Variants in TIFA observed in about 807,000 individuals in gnomAD.
TIFA encodes the protein TRAF interacting protein with forkhead associated domain, also known as TRAF-interacting protein with FHA domain-containing protein A.
For missense variants in TIFA, 186 were observed against 215.2 expected (o/e 0.86, Z 0.85); for synonymous variants, 75 against 79.2 (o/e 0.95, Z 0.28).
rs1311424508 is a variant in TIFA at position 112,276,235 on chromosome 4, C to A, written c.*1627G>T. The stretch of plus-strand genomic sequence containing the variant: ...CTTCCAGATGTCCAATGCACACTTT[C>A]CAGCTTCAAGAGACTGTCCACATTC... On this transcript the variant is annotated 3_prime_UTR_variant, in exon 2 of 2. Transcript: ENST00000361717. 6.5e-6 allele frequency: 1 copy of A among 153,226 alleles called. No individual in the cohort carries two copies. Among genetic ancestry groups the A allele is most frequent in the Middle Eastern group, 3.4e-3 (1 of 294 alleles). 9.5% of individuals were successfully genotyped at this position (153,226 alleles called of 1,614,324 possible).
chr4:112,276,461 A>G lies in TIFA; in HGVS notation c.*1401T>C, dbSNP rs1371992549. 1 of 152,828 alleles carries G rather than the reference A, an allele frequency of 6.5e-6. No individual in the cohort carries two copies. Among genetic ancestry groups the G allele is most frequent in the Non-Finnish European group, 1.5e-5 (1 of 68,086 alleles). 9.5% of individuals were successfully genotyped at this position (152,828 alleles called of 1,614,324 possible). ...CTTTGCCACATAACAACACAGTTAC[A>G]AGTTCTGGAGACTAGCACATGGACA... On this transcript the variant is annotated 3_prime_UTR_variant, in exon 2 of 2. Coordinates refer to ENST00000361717, the MANE Select transcript of TIFA (RefSeq NM_052864.3).
chr4:112,277,679 CAA>C lies in TIFA; in HGVS notation c.*181_*182del. On this transcript the variant is annotated 3_prime_UTR_variant, in exon 2 of 2. Coordinates refer to ENST00000361717, the MANE Select transcript of TIFA (RefSeq NM_052864.3). ...AATAATTTTGTGTAGATCCAGAATA[CAA>C]CAGGTGACTAAGTTAATGACTAACA... The C allele has an allele frequency of 2.7e-6, 1 of 367,574 alleles. No homozygotes were observed. The highest frequency in any genetic ancestry group is 4.5e-6 in the Non-Finnish European group (1 of 223,416). 22.8% of individuals were successfully genotyped at this position (367,574 alleles called of 1,614,324 possible).
chr4:112,278,371 G>C lies in TIFA; in HGVS notation c.46C>G (p.Leu16Val), dbSNP rs1201502442. ...DADTEETVTC[L>V]QMTVYHPGQL... ...CCAGGATGGTAAACCGTCATCTGGA[G>C]ACAAGTTACTGTCTCTTCTGTGTCA... Residue 16 changes from leucine (L) to valine (V), a missense_variant, in exon 2 of 2, where the codon CTC becomes GTC. Physicochemically the swap from Leu to Val is conservative, Grantham distance 32. Transcript: ENST00000361717. 6.2e-7 allele frequency: 1 copy of C among 1,600,112 alleles called. No individual in the cohort carries two copies. Among genetic ancestry groups the C allele is most frequent in the Admixed American group, 1.7e-5 (1 of 58,028 alleles).
chr4:112,282,291 C>G (rs1727242419), intron 1 of TIFA, among the ~76,000 whole-genome samples: 1 of 152,168 alleles, frequency 6.6e-6, no homozygotes. Context: ...TACCCGGTCT[C>G]AGGTATGTCT....
At chr4:112,283,380 G>T (rs12510546) in intron 1 of TIFA, among the ~76,000 whole-genome samples, 43,766 of 151,974 alleles carry the variant, frequency 0.29, 6,533 homozygotes, top group African/African-American at 0.37. Flanking sequence ...GTAAGCCTGG[G>T]TGTATAAATG....
At position 112,277,419 on chromosome 4, in the gene TIFA, C is replaced by G. The variant is rs545001555; in HGVS notation, c.*443G>C. 2 of 157,756 alleles carry G rather than the reference C, an allele frequency of 1.3e-5. No individual in the cohort carries two copies. Among genetic ancestry groups the G allele is most frequent in the African/African-American group, 4.8e-5 (2 of 41,572 alleles). 9.8% of individuals were successfully genotyped at this position (157,756 alleles called of 1,614,324 possible). On this transcript the variant is annotated 3_prime_UTR_variant, in exon 2 of 2. Transcript: ENST00000361717. ...AGAACCTATTCCAGTACTGCAAGTA[C>G]TGACAGGCTGCAAACACCAGTAACA...
intron 1 of TIFA, among the ~76,000 whole-genome samples, chr4:112,279,740 C>T (rs1727189244): frequency 6.6e-6 from 1 of 151,602 alleles, no homozygotes; most frequent in South Asian, 2.1e-4. Flanking sequence ...AATCTCAGCT[C>T]ACTGCAAACT....
intron 1 of TIFA, among the ~76,000 whole-genome samples, chr4:112,283,235 T>C (rs1191598032): frequency 6.6e-6 from 1 of 152,134 alleles, no homozygotes; most frequent in Non-Finnish European, 1.5e-5. Flanking sequence ...GACATAAATG[T>C]GTGTGGGCTA....
At position 112,276,129 on chromosome 4, in the gene TIFA, G is replaced by T. The variant is rs1328115192; in HGVS notation, c.*1733C>A. On this transcript the variant is annotated 3_prime_UTR_variant, in exon 2 of 2. Transcript: ENST00000361717. ...ATCATAAAGTTTTGTAGGTTAACAA[G>T]TCAAACATATTCTCACTGGACCAAA... 1 of 152,338 alleles carries T rather than the reference G, an allele frequency of 6.6e-6. No individual in the cohort carries two copies. The highest frequency in any genetic ancestry group is 1.5e-5 in the Non-Finnish European group (1 of 68,028). The allele number at this position is 152,338 out of a possible 1,614,324, so 9.4% of individuals were successfully genotyped here.
chr4:112,279,478 G>T (rs1035450915), intron 1 of TIFA, among the ~76,000 whole-genome samples: 2 of 152,086 alleles, frequency 1.3e-5, no homozygotes, highest in Admixed American at 1.3e-4. Flanking sequence ...TGAACTCTTT[G>T]TCTTTCTCTC....
intron 1 of TIFA, chr4:112,281,640 T>C (rs140004364): frequency 2.0e-5 from 3 of 152,200 alleles, no homozygotes; most frequent in Non-Finnish European, 4.4e-5. Flanking sequence ...ATCCACTTCA[T>C]TAACAACCAT....
At chr4:112,283,872 C>T (rs1013300602) in intron 1 of TIFA, among the ~76,000 whole-genome samples, 3 of 152,124 alleles carry the variant, frequency 2.0e-5, no homozygotes, top group African/African-American at 7.2e-5. Flanking sequence ...AAATCACCAA[C>T]CTCTGATTTT....
intron 1 of TIFA, among the ~76,000 whole-genome samples, chr4:112,282,008 T>C (rs970878991): frequency 2.6e-5 from 4 of 152,232 alleles, no homozygotes; most frequent in Admixed American, 6.5e-5. Flanking sequence ...TCTTGAATTA[T>C]AGCTCCCACG....
intron 1 of TIFA, among the ~76,000 whole-genome samples, chr4:112,279,800 G>A (rs1034180036): frequency 4.0e-5 from 6 of 151,802 alleles, no homozygotes; most frequent in Admixed American, 6.6e-5. Context: ...CTGAGTAGCC[G>A]GGATTACAGA....
chr4:112,279,951 G>T (rs552273586), intron 1 of TIFA, among the ~76,000 whole-genome samples: 32 of 152,188 alleles, frequency 2.1e-4, no homozygotes, highest in Non-Finnish European at 2.1e-4. Flanking sequence ...TTACAGGCGT[G>T]AGCCACTATG....
rs1423976055 is a variant in TIFA at position 112,275,223 on chromosome 4, G to A, written c.*2639C>T. ...GTGAAGGGGTGGGCACCTGACCCAAGCTGACCCGTCCCTGGAACTGAAATC... is the reference window on the plus strand; with the variant it reads ...GTGAAGGGGTGGGCACCTGACCCAAACTGACCCGTCCCTGGAACTGAAATC... On this transcript the variant is annotated 3_prime_UTR_variant, in exon 2 of 2. Transcript: ENST00000361717. 4 of 152,142 alleles carry A rather than the reference G, an allele frequency of 2.6e-5. No individual in the cohort carries two copies. Among genetic ancestry groups the A allele is most frequent in the African/African-American group, 7.2e-5 (3 of 41,406 alleles). 9.4% of individuals were successfully genotyped at this position (152,142 alleles called of 1,614,324 possible). A position where few individuals can be genotyped will look rare whatever the true frequency, so the allele number is the denominator to read the frequency against.
rs544417614 is a variant in TIFA at position 112,277,361 on chromosome 4, G to A, written c.*501C>T. ...GTATTTCTCAAATAAGTCCTCCCAT[G>A]CTAAAACCACAGTGACGCGCAGACA... is the stretch of plus-strand genomic sequence containing the variant. On this transcript the variant is annotated 3_prime_UTR_variant, in exon 2 of 2. Coordinates refer to ENST00000361717, the MANE Select transcript of TIFA (RefSeq NM_052864.3). 6 of 152,638 alleles carry A rather than the reference G, an allele frequency of 3.9e-5. No homozygotes were observed. The East Asian group carries it at 9.6e-4, about 25-fold the overall frequency. 9.5% of individuals were successfully genotyped at this position (152,638 alleles called of 1,614,324 possible). A position where few individuals can be genotyped will look rare whatever the true frequency, so the allele number is the denominator to read the frequency against.
rs1183791874 is a variant in TIFA at position 112,276,015 on chromosome 4, C to G, written c.*1847G>C. ...CCTAGAAAGAATCAATAGTAGATAA[C>G]CTTATATTAAAGGGAGTATATTAGT... On this transcript the variant is annotated 3_prime_UTR_variant, in exon 2 of 2. Transcript: ENST00000361717. 6.6e-6 allele frequency: 1 copy of G among 152,144 alleles called. No individual in the cohort carries two copies. The highest frequency in any genetic ancestry group is 1.5e-5 in the Non-Finnish European group (1 of 68,034). 9.4% of individuals were successfully genotyped at this position (152,144 alleles called of 1,614,324 possible). A position where few individuals can be genotyped will look rare whatever the true frequency, so the allele number is the denominator to read the frequency against.
chr4:112,280,725 T>A (rs1469741836), intron 1 of TIFA, among the ~76,000 whole-genome samples: 1 of 152,206 alleles, frequency 6.6e-6, no homozygotes, highest in Non-Finnish European at 1.5e-5. Context: ...AACTCTCAAT[T>A]TATTCAATTA....
Sources: allele counts gnomAD v4.1 joint callset (sites outside exome capture counted in the v4.1 genomes callset), GRCh38; gene constraint gnomAD v4.1.1; transcripts MANE v1.5; gene names NCBI Gene and HGNC (gene_info 2026-07-23, HGNC 2026-07-21).